Variants in DLGAP2 observed in about 807,000 individuals in gnomAD.
The protein encoded by DLGAP2 is disks large-associated protein 2.
DLGAP2 carries 26 observed loss-of-function variants against 100.3 expected under a neutral mutation model. That is an observed-to-expected ratio of 0.26 (90% CI 0.19 to 0.36). The LOEUF is 0.36. Among genes scored for constraint, DLGAP2 ranks in the 10% least tolerant of loss-of-function variants. The pLI is 1.00. For synonymous variants in DLGAP2, 886 were observed against 630.1 expected (o/e 1.41, Z -6.08); for missense variants, 1,858 against 1,453.2 (o/e 1.28, Z -4.53).
intron 3 of DLGAP2, among the ~76,000 whole-genome samples, chr8:1,286,473 T>G (rs1179348123): frequency 6.6e-6 from 1 of 152,150 alleles, no homozygotes; most frequent in Non-Finnish European, 1.5e-5. Flanking sequence ...GTGGAAGAGC[T>G]TTCCCCGTAG....
intron 6 of DLGAP2, among the ~76,000 whole-genome samples, chr8:1,623,618 G>C (rs562105382): frequency 2.2e-5 from 3 of 137,748 alleles, no homozygotes; most frequent in Non-Finnish European, 4.7e-5. Context: ...GTGCGATGAC[G>C]TGGCCCCAGT....
intron 1 of DLGAP2, among the ~76,000 whole-genome samples, chr8:806,700 G>A (rs1458186515): frequency 6.6e-6 from 1 of 152,220 alleles, no homozygotes; most frequent in East Asian, 1.9e-4. Flanking sequence ...TTTCAGAGAA[G>A]TCGTGATGGA....
chr8:1,534,385 T>A (rs1801083576), intron 4 of DLGAP2, among the ~76,000 whole-genome samples: 1 of 152,244 alleles, frequency 6.6e-6, no homozygotes, highest in South Asian at 2.1e-4. Flanking sequence ...TTTTCTAATG[T>A]TACAATAAAG....
chr8:1,422,966 A>G lies in DLGAP2; in HGVS notation c.107-78400A>G, dbSNP rs561710966. Among the ~76,000 whole-genome samples, 144 of 152,198 alleles carry G rather than the reference A, an allele frequency of 9.5e-4. 1 individual carries two copies. The highest frequency in any genetic ancestry group is 3.3e-3 in the African/African-American group (138 of 41,534). Reference sequence around the variant, plus strand: ...GGGGGCCCCTTAGCCTGGGGAGGGGATCCGTGCAGGTGGCCTGGTATATGT... The same window carrying G: ...GGGGGCCCCTTAGCCTGGGGAGGGGGTCCGTGCAGGTGGCCTGGTATATGT... On this transcript the variant is annotated intron_variant, in intron 3 of 14. Transcript: ENST00000637795.
At chr8:1,374,172 C>T (rs1802333219) in intron 3 of DLGAP2, among the ~76,000 whole-genome samples, 1 of 149,986 alleles carries the variant, frequency 6.7e-6, no homozygotes, top group Non-Finnish European at 1.5e-5. Context: ...GTTAGGTTTG[C>T]AGAGGGCTGT....
intron 1 of DLGAP2, among the ~76,000 whole-genome samples, chr8:816,834 C>G (rs773831455): frequency 6.6e-6 from 1 of 152,166 alleles, no homozygotes; most frequent in African/African-American, 2.4e-5. Flanking sequence ...TTAGATTTCT[C>G]TTCTTCTCTG....
chr8:1,239,620 T>TCTCA (rs2116854811), intron 2 of DLGAP2, among the ~76,000 whole-genome samples: 1 of 65,028 alleles, frequency 1.5e-5, no homozygotes, highest in African/African-American at 8.1e-5. Flanking sequence ...TCTAGTTCTC[T>TCTCA]CACATGGCGC....
At chr8:1,690,078 C>T (rs1347080474) in intron 12 of DLGAP2, among the ~76,000 whole-genome samples, 1 of 152,082 alleles carries the variant, frequency 6.6e-6, no homozygotes, top group Non-Finnish European at 1.5e-5. Context: ...GGTGTGGGGC[C>T]GGGTGCGGTG....
intron 1 of DLGAP2, among the ~76,000 whole-genome samples, chr8:758,317 C>T (rs949821080): frequency 3.9e-5 from 6 of 152,094 alleles, no homozygotes; most frequent in African/African-American, 1.4e-4. Context: ...ATCATGAAGG[C>T]CTTTCTGTAG....
chr8:1,452,019 G>A (rs1359268686), intron 3 of DLGAP2, among the ~76,000 whole-genome samples: 3 of 152,228 alleles, frequency 2.0e-5, no homozygotes, highest in Non-Finnish European at 2.9e-5. Flanking sequence ...GGTTTCTGCC[G>A]ATGTCCCATC....
At chr8:1,151,635 G>A (rs1796699364) in intron 2 of DLGAP2, among the ~76,000 whole-genome samples, 1 of 152,194 alleles carries the variant, frequency 6.6e-6, no homozygotes, top group South Asian at 2.1e-4. Flanking sequence ...AGGTAGAAAG[G>A]AGGAGGGCAG....
At chr8:1,107,192 A>G (rs1804803143) in intron 2 of DLGAP2, among the ~76,000 whole-genome samples, 1 of 152,200 alleles carries the variant, frequency 6.6e-6, no homozygotes, top group African/African-American at 2.4e-5. Context: ...TTTGCAGTGC[A>G]CTGGTTCTGT....
At chr8:1,447,664 C>T (rs189885594) in intron 3 of DLGAP2, among the ~76,000 whole-genome samples, 225 of 152,328 alleles carry the variant, frequency 1.5e-3, no homozygotes, top group Non-Finnish European at 2.8e-3. Flanking sequence ...AGGAATGTTA[C>T]CAGCTTCTCC....
At chr8:1,315,688 G>T (rs1427392713) in intron 3 of DLGAP2, among the ~76,000 whole-genome samples, 8 of 87,076 alleles carry the variant, frequency 9.2e-5, no homozygotes, top group Non-Finnish European at 8.9e-5. Context: ...CGAGAAACTC[G>T]GCAGCGTTTA....
intron 8 of DLGAP2, among the ~76,000 whole-genome samples, chr8:1,659,924 T>G (rs895161635): frequency 2.0e-5 from 3 of 152,196 alleles, no homozygotes; most frequent in African/African-American, 4.8e-5. Context: ...GTTGATGTAG[T>G]TTCTTCATAG....
chr8:1,433,875 T>C (rs958806208), intron 3 of DLGAP2, among the ~76,000 whole-genome samples: 4 of 151,766 alleles, frequency 2.6e-5, no homozygotes, highest in South Asian at 2.1e-4. Context: ...ATGATGCACA[T>C]GGAATCCAGT....
intron 6 of DLGAP2, among the ~76,000 whole-genome samples, chr8:1,602,445 T>C (rs985049369): frequency 2.9e-4 from 44 of 152,200 alleles, no homozygotes; most frequent in African/African-American, 1.0e-3. Context: ...AAAGGCCTAT[T>C]CCACACAGGG....
chr8:1,665,537 TATA>T (rs1474867784), intron 8 of DLGAP2, among the ~76,000 whole-genome samples: 1 of 108,182 alleles, frequency 9.2e-6, no homozygotes, highest in South Asian at 2.3e-4. Flanking sequence ...CAAAGAAAAA[TATA>T]ATAAGGCAGA....
At chr8:1,045,621 C>T (rs948473320) in intron 2 of DLGAP2, among the ~76,000 whole-genome samples, 2 of 152,134 alleles carry the variant, frequency 1.3e-5, no homozygotes, top group African/African-American at 4.8e-5. Context: ...ATTTTGTGTC[C>T]TTTGACCTCC....
Sources: allele counts gnomAD v4.1 joint callset (sites outside exome capture counted in the v4.1 genomes callset), GRCh38; gene constraint gnomAD v4.1.1; transcripts MANE v1.5; gene names NCBI Gene and HGNC (gene_info 2026-07-23, HGNC 2026-07-21).